RHEB: variants seen among roughly 807,000 people sequenced by gnomAD.
RHEB encodes the protein Ras homolog, mTORC1 binding, also known as GTP-binding protein Rheb.
In RHEB, 2 loss-of-function variants were observed where a neutral mutation model predicts 28.8. The ratio of observed to expected loss-of-function variants is 0.07; its 90% CI spans 0.03 to 0.22. The LOEUF is 0.22. Among genes scored for constraint, RHEB ranks in the 10% least tolerant of loss-of-function variants. The probability of loss-of-function intolerance (pLI) is 1.00; values close to 1 mark genes in which losing one functional copy is unlikely to be tolerated. For synonymous variants in RHEB, 69 were observed against 77.3 expected (o/e 0.89, Z 0.56); for missense variants, 76 against 219.9 (o/e 0.35, Z 4.14).
At chr7:151,480,496 G>A (rs1284984953) in intron 3 of RHEB, among the ~76,000 whole-genome samples, 1 of 151,944 alleles carries the variant, frequency 6.6e-6, no homozygotes, top group African/African-American at 2.4e-5. Context: ...GGTTGCTGGT[G>A]GGGGTGGGGG....
intron 1 of RHEB, among the ~76,000 whole-genome samples, chr7:151,500,455 A>T (rs188235551): frequency 6.6e-6 from 1 of 152,218 alleles, no homozygotes; most frequent in Admixed American, 6.5e-5. Flanking sequence ...GCACACTCCC[A>T]AAATAGATCT....
intron 1 of RHEB, among the ~76,000 whole-genome samples, chr7:151,512,085 C>G (rs1483815407): frequency 2.0e-5 from 3 of 152,198 alleles, no homozygotes; most frequent in Admixed American, 2.0e-4. Flanking sequence ...TTTGGTACTT[C>G]AGAATAAATT....
chr7:151,492,697 G>A (rs559025197), intron 1 of RHEB, among the ~76,000 whole-genome samples: 4 of 151,710 alleles, frequency 2.6e-5, no homozygotes, highest in East Asian at 1.9e-4. Flanking sequence ...CTCCTTATCC[G>A]CAGCCCAATA....
At chr7:151,518,895 T>C (rs922914723) in intron 1 of RHEB, 2 of 152,234 alleles carry the variant, frequency 1.3e-5, no homozygotes, top group Admixed American at 1.3e-4. Context: ...AGGTTTCCTA[T>C]GCAGAAAACT....
At chr7:151,518,368 T>G (rs56984257) in intron 1 of RHEB, among the ~76,000 whole-genome samples, 7 of 152,092 alleles carry the variant, frequency 4.6e-5, no homozygotes, top group Non-Finnish European at 1.0e-4. Flanking sequence ...CCATGACAGA[T>G]AGTCACCCCG....
intron 1 of RHEB, among the ~76,000 whole-genome samples, chr7:151,507,407 A>ATAT (rs1554440325): frequency 0.069 from 10,466 of 151,520 alleles, 1,099 homozygotes; most frequent in African/African-American, 0.23. Flanking sequence ...ACACATATAT[A>ATAT]TAGTGTCACT....
chr7:151,519,400 C>T (rs1803140647), intron 1 of RHEB, 60 bp downstream of exon 1: 3 of 1,261,802 alleles, frequency 2.4e-6, no homozygotes, highest in African/African-American at 1.6e-5. Flanking sequence ...CCGGCCGCGA[C>T]CCGGCTCCCA....
chr7:151,480,099 T>TA (rs1480308917), intron 3 of RHEB, among the ~76,000 whole-genome samples: 7 of 152,002 alleles, frequency 4.6e-5, no homozygotes, highest in East Asian at 1.9e-4. Flanking sequence ...TGTAGGGAAA[T>TA]AGACACTCTC....
intron 1 of RHEB, among the ~76,000 whole-genome samples, chr7:151,499,871 C>A (rs1382177973): frequency 6.6e-6 from 1 of 152,204 alleles, no homozygotes; most frequent in African/African-American, 2.4e-5. Context: ...TGCAGTAGAG[C>A]AATCAGAGCT....
intron 1 of RHEB, among the ~76,000 whole-genome samples, chr7:151,515,532 T>C (rs1295798088): frequency 6.6e-6 from 1 of 152,224 alleles, no homozygotes; most frequent in African/African-American, 2.4e-5. Flanking sequence ...CAAGTTTCAA[T>C]ACAAAGTGGG....
chr7:151,470,082 A>C (rs1273440479), intron 7 of RHEB, among the ~76,000 whole-genome samples: 2 of 152,202 alleles, frequency 1.3e-5, no homozygotes, highest in African/African-American at 4.8e-5. Flanking sequence ...CATGCCTTTG[A>C]AGGCACATCT....
Position 151,466,988 on chromosome 7 carries a change from G to C in RHEB, c.*131C>G, listed in dbSNP as rs1371898677. On this transcript the variant is annotated 3_prime_UTR_variant, in exon 8 of 8. Coordinates refer to ENST00000262187, the MANE Select transcript of RHEB (RefSeq NM_005614.4). ...GAGTTAACATAATCTGAAGGGAGGG[G>C]AGCTCTGACCCAAATGATATCTTTC... 6.2e-6 allele frequency: 4 copies of C among 644,322 alleles called. No homozygotes were observed. Among genetic ancestry groups the C allele is most frequent in the Non-Finnish European group, 1.1e-5 (4 of 355,596 alleles). 39.9% of individuals were successfully genotyped at this position (644,322 alleles called of 1,614,324 possible).
chr7:151,512,398 A>G (rs1345160934), intron 1 of RHEB, among the ~76,000 whole-genome samples: 1 of 152,160 alleles, frequency 6.6e-6, no homozygotes, highest in East Asian at 1.9e-4. Flanking sequence ...TTTAAAAACT[A>G]TATTATTAGT....
intron 3 of RHEB, among the ~76,000 whole-genome samples, chr7:151,481,950 C>T (rs1207744891): frequency 6.6e-6 from 1 of 152,124 alleles, no homozygotes; most frequent in Non-Finnish European, 1.5e-5. Flanking sequence ...CATTTATGTT[C>T]CAGGGCAAAA....
At chr7:151,495,234 C>T (rs192055243) in intron 1 of RHEB, among the ~76,000 whole-genome samples, 1 of 152,196 alleles carries the variant, frequency 6.6e-6, no homozygotes, top group East Asian at 1.9e-4. Flanking sequence ...GAAAACTACA[C>T]AGGAGTGATC....
intron 2 of RHEB, among the ~76,000 whole-genome samples, chr7:151,487,768 C>T (rs1802506978): frequency 6.6e-6 from 1 of 152,198 alleles, no homozygotes; most frequent in South Asian, 2.1e-4. Flanking sequence ...CATCACTCTC[C>T]TTGAGCCCCT....
intron 1 of RHEB, among the ~76,000 whole-genome samples, chr7:151,515,899 A>G (rs150042349): frequency 9.9e-4 from 150 of 152,278 alleles, no homozygotes; most frequent in African/African-American, 3.6e-3. Context: ...CATCCCTCTT[A>G]TTAACTGTAT....
Position 151,471,583 on chromosome 7 carries a change from G to A in RHEB, c.298C>T (p.His100Tyr), listed in dbSNP as rs375061279. The A allele has an allele frequency of 2.6e-5, 42 of 1,603,258 alleles. No homozygotes were observed. The African/African-American group carries it at 4.6e-4, about 17-fold the overall frequency. ...CCCACCATATCCAACAATTTGCCATGGATAACTTTAATCACTTCAAAACTA... is the reference window on the plus strand; with the variant it reads ...CCCACCATATCCAACAATTTGCCATAGATAACTTTAATCACTTCAAAACTA... ...IKSFEVIKVI[H>Y]GKLLDMVGKV... The change falls in exon 5 of 8, where the codon CAT becomes TAT. Residue 100 changes from histidine to tyrosine, a missense_variant. Transcript: ENST00000262187.
intron 1 of RHEB, among the ~76,000 whole-genome samples, chr7:151,491,908 A>G (rs991064592): frequency 3.9e-5 from 6 of 152,206 alleles, no homozygotes; most frequent in African/African-American, 1.4e-4. Context: ...TATGTTAATA[A>G]ATCAACAACT....
Sources: gnomAD v4.1 joint callset for allele counts (sites outside exome capture counted in the v4.1 genomes callset) on GRCh38, gnomAD v4.1.1 for gene constraint, MANE v1.5 for transcripts, NCBI Gene and HGNC (gene_info 2026-07-23, HGNC 2026-07-21) for gene names.